The following BNC2 variants were observed in gnomAD, a reference collection of about 807,000 sequenced individuals.
BNC2 encodes the protein basonuclin zinc finger protein 2.
A neutral mutation model predicts 76.3 loss-of-function variants in BNC2; 20 were observed. The observed-to-expected ratio is 0.26, with a 90% confidence interval of 0.18 to 0.38. The LOEUF (loss-of-function observed/expected upper bound fraction) is 0.38. BNC2 is among the 10% of genes least tolerant of loss of function. BNC2 has a pLI of 1.00. For synonymous variants in BNC2, 582 were observed against 514.8 expected (o/e 1.13, Z -1.77); for missense variants, 1,382 against 1,399.8 (o/e 0.99, Z 0.20).
chr9:16,569,912 T>A (rs1032965481), intron 4 of BNC2, among the ~76,000 whole-genome samples: 4 of 152,234 alleles, frequency 2.6e-5, no homozygotes, highest in Non-Finnish European at 5.9e-5. Flanking sequence ...AACCCTGCTT[T>A]ATCCAGTTTA....
intron 4 of BNC2, 45 bp downstream of exon 4, chr9:16,582,938 C>CACAAAA: frequency 7.7e-7 from 1 of 1,294,426 alleles, no homozygotes; most frequent in Non-Finnish European, 1.1e-6. Flanking sequence ...CACACACGAA[C>CACAAAA]ATGAACATAA....
chr9:16,724,527 G>C (rs539835861), intron 3 of BNC2, among the ~76,000 whole-genome samples: 103 of 151,976 alleles, frequency 6.8e-4, no homozygotes, highest in Admixed American at 1.2e-3. Context: ...AATAATTTGA[G>C]AAAATCATAC....
intron 2 of BNC2, among the ~76,000 whole-genome samples, chr9:16,729,459 G>A (rs1201570524): frequency 6.6e-6 from 1 of 152,156 alleles, no homozygotes; most frequent in African/African-American, 2.4e-5. Flanking sequence ...AGTGGACAAT[G>A]AGAAAAGATG....
At chr9:16,721,542 G>C (rs776583171) in intron 3 of BNC2, among the ~76,000 whole-genome samples, 2 of 152,130 alleles carry the variant, frequency 1.3e-5, no homozygotes, top group Admixed American at 1.3e-4. Flanking sequence ...AAGGTCTGGA[G>C]AAGGGTGGTC....
intron 3 of BNC2, among the ~76,000 whole-genome samples, chr9:16,710,186 A>C (rs1254867503): frequency 1.3e-5 from 2 of 152,166 alleles, no homozygotes; most frequent in African/African-American, 4.8e-5. Context: ...ACACCTGGGC[A>C]CAAAAAGAAA....
chr9:16,738,391 G>A lies in BNC2; in HGVS notation c.98C>T (p.Pro33Leu), dbSNP rs114612810. The change falls in exon 2 of 7, where the codon CCA (proline) becomes CTA (leucine). Residue 33 changes from proline (P) to leucine (L), a missense_variant. By Grantham distance (98) the Pro-to-Leu change is moderately conservative. Around this residue, in one of 3 missense-constraint regions of BNC2, gnomAD observed 557 missense variants for 540.9 expected, o/e 1.03. Transcript: ENST00000380672. ...TTGAGATGTATCAACCCCACAACAT[G>A]GGACCTTGAAATATGCTGGCCAGTC... ...EQDWPAYFKV[P>L]CCGVDTSQIE... The A allele has an allele frequency of 9.7e-4, 1,569 of 1,614,060 alleles. 13 individuals are homozygous for A. In the African/African-American group the frequency reaches 0.018, roughly 18 times the overall value.
chr9:16,555,766 C>T (rs1405246384), intron 4 of BNC2, among the ~76,000 whole-genome samples: 2 of 151,938 alleles, frequency 1.3e-5, no homozygotes, highest in Non-Finnish European at 2.9e-5. Context: ...CACTGTACTC[C>T]AGCCTGGGCA....
At chr9:16,572,195 G>A (rs750261117) in intron 4 of BNC2, among the ~76,000 whole-genome samples, 15 of 152,154 alleles carry the variant, frequency 9.9e-5, no homozygotes, top group Non-Finnish European at 1.5e-4. Flanking sequence ...ACCAACATCT[G>A]TTAATGATTA....
At chr9:16,420,402 C>G (rs867871475) in intron 6 of BNC2, among the ~76,000 whole-genome samples, 1 of 151,858 alleles carries the variant, frequency 6.6e-6, no homozygotes, top group Non-Finnish European at 1.5e-5. Flanking sequence ...ATATTTTCAT[C>G]GAGTAGTTCT....
intron 1 of BNC2, among the ~76,000 whole-genome samples, chr9:16,758,407 T>C (rs1322779687): frequency 6.6e-6 from 1 of 152,114 alleles, no homozygotes; most frequent in Non-Finnish European, 1.5e-5. Context: ...TGGTGCCATC[T>C]TGACTCACTG....
At chr9:16,852,958 T>C (rs1455812548) in intron 1 of BNC2, among the ~76,000 whole-genome samples, 1 of 152,144 alleles carries the variant, frequency 6.6e-6, no homozygotes, top group Non-Finnish European at 1.5e-5. Context: ...GTCACAAACA[T>C]TACATATCCT....
intron 1 of BNC2, among the ~76,000 whole-genome samples, chr9:16,864,965 G>C (rs1030450139): frequency 6.7e-6 from 1 of 149,432 alleles, no homozygotes; most frequent in Non-Finnish European, 1.5e-5. Context: ...ACATCGTCGA[G>C]TCACAATATT....
intron 3 of BNC2, among the ~76,000 whole-genome samples, chr9:16,661,567 C>T (rs774344098): frequency 1.3e-5 from 2 of 152,140 alleles, no homozygotes; most frequent in Admixed American, 6.5e-5. Flanking sequence ...CCTCTCTGCA[C>T]TCAGGGATTC....
intron 3 of BNC2, among the ~76,000 whole-genome samples, chr9:16,691,580 G>A (rs1011223484): frequency 6.9e-6 from 1 of 144,712 alleles, no homozygotes; most frequent in Non-Finnish European, 1.5e-5. Flanking sequence ...TGCGATCTTG[G>A]CTCACTGAAA....
chr9:16,727,771 A>G, intron 3 of BNC2, 26 bp downstream of exon 3: 1 of 1,592,656 alleles, frequency 6.3e-7, no homozygotes, highest in Non-Finnish European at 8.5e-7. Flanking sequence ...AAAAGAAAAA[A>G]AAAATCAAGA....
chr9:16,617,579 C>T (rs1820746663), intron 3 of BNC2, among the ~76,000 whole-genome samples: 2 of 149,812 alleles, frequency 1.3e-5, no homozygotes, highest in Non-Finnish European at 3.0e-5. Context: ...ATACAAGGCA[C>T]ATATAAGTAT....
At chr9:16,614,123 G>T (rs1232060481) in intron 3 of BNC2, among the ~76,000 whole-genome samples, 2 of 152,132 alleles carry the variant, frequency 1.3e-5, no homozygotes, top group Non-Finnish European at 2.9e-5. Flanking sequence ...TTAACGCTTG[G>T]GATTGAAACC....
At chr9:16,454,948 AACTT>A (rs1274865052) in intron 5 of BNC2, among the ~76,000 whole-genome samples, 2 of 152,182 alleles carry the variant, frequency 1.3e-5, no homozygotes, top group Non-Finnish European at 2.9e-5. Flanking sequence ...TAAGGGCAAA[AACTT>A]AAATTTCCTC....
At chr9:16,532,222 GAA>G (rs57317191) in intron 5 of BNC2, among the ~76,000 whole-genome samples, 14 of 142,038 alleles carry the variant, frequency 9.9e-5, no homozygotes, top group African/African-American at 3.5e-4. Flanking sequence ...GAGACATACA[GAA>G]AAAAAAAAAT....
Sources: allele counts gnomAD v4.1 joint callset (sites outside exome capture counted in the v4.1 genomes callset), GRCh38; gene constraint gnomAD v4.1.1; regional missense constraint gnomAD v4.1.1; transcripts MANE v1.5; gene names NCBI Gene and HGNC (gene_info 2026-07-23, HGNC 2026-07-21).